KCNMB2: variants seen among roughly 807,000 people sequenced by gnomAD.
The protein encoded by KCNMB2 is calcium-activated potassium channel subunit beta-2.
A neutral mutation model predicts 24.5 loss-of-function variants in KCNMB2; 9 were observed. The observed-to-expected ratio is 0.37, with a 90% CI of 0.22 to 0.64. The LOEUF (loss-of-function observed/expected upper bound fraction) is 0.64, where lower values mean the gene tolerates loss of function less well. Among genes scored for constraint, KCNMB2 ranks in the 30% least tolerant of loss-of-function variants. The probability of loss-of-function intolerance (pLI) is 0.63; values close to 1 mark genes in which losing one functional copy is unlikely to be tolerated. For synonymous variants in KCNMB2, 109 were observed against 104.4 expected (o/e 1.04, Z -0.27); for missense variants, 226 against 284.3 (o/e 0.79, Z 1.47).
chr3:178,595,671 C>T (rs1207974392), intron 1 of KCNMB2, among the ~76,000 whole-genome samples: 1 of 152,058 alleles, frequency 6.6e-6, no homozygotes, highest in East Asian at 1.9e-4. Flanking sequence ...GTTTGCTTTT[C>T]CCTTCCACCA....
At chr3:178,793,051 GC>G (rs1167322332) in intron 1 of KCNMB2, among the ~76,000 whole-genome samples, 2 of 152,168 alleles carry the variant, frequency 1.3e-5, no homozygotes, top group Non-Finnish European at 2.9e-5. Context: ...CATCGACAGT[GC>G]CCATGTTCTG....
chr3:178,719,421 T>A (rs1003587175), intron 1 of KCNMB2, among the ~76,000 whole-genome samples: 2 of 152,248 alleles, frequency 1.3e-5, no homozygotes, highest in Non-Finnish European at 2.9e-5. Flanking sequence ...TTATAACTCA[T>A]AGGTAACAGC....
chr3:178,755,487 C>T (rs1724000083), intron 1 of KCNMB2, among the ~76,000 whole-genome samples: 1 of 152,136 alleles, frequency 6.6e-6, no homozygotes, highest in African/African-American at 2.4e-5. Context: ...ATTTTAAGAA[C>T]AAAAATACTT....
intron 1 of KCNMB2, among the ~76,000 whole-genome samples, chr3:178,644,279 G>T (rs1474006083): frequency 1.3e-5 from 2 of 152,236 alleles, no homozygotes; most frequent in Non-Finnish European, 1.5e-5. Flanking sequence ...GTGTGCAAAG[G>T]CACTGAGAGA....
intron 1 of KCNMB2, among the ~76,000 whole-genome samples, chr3:178,551,042 C>A (rs533231396): frequency 1.4e-4 from 21 of 152,092 alleles, no homozygotes; most frequent in African/African-American, 4.3e-4. Context: ...AGGATAAGCA[C>A]CAAAATCAGG....
chr3:178,542,319 G>C (rs1203194315), intron 1 of KCNMB2, among the ~76,000 whole-genome samples: 1 of 152,156 alleles, frequency 6.6e-6, no homozygotes, highest in Non-Finnish European at 1.5e-5. Flanking sequence ...TAACTACCTG[G>C]TTGGGTTGAA....
At chr3:178,778,455 G>GACACAC (rs71628070) in intron 1 of KCNMB2, among the ~76,000 whole-genome samples, 6,080 of 127,260 alleles carry the variant, frequency 0.048, 194 homozygotes, top group East Asian at 0.068. Flanking sequence ...TACCCTTTAA[G>GACACAC]ACACACACAC....
intron 1 of KCNMB2, among the ~76,000 whole-genome samples, chr3:178,773,980 G>A (rs1196063330): frequency 1.3e-5 from 2 of 152,204 alleles, no homozygotes; most frequent in Non-Finnish European, 2.9e-5. Context: ...TCTGGAGACT[G>A]GGAAGTCCAT....
chr3:178,606,048 C>G (rs550197174), intron 1 of KCNMB2, among the ~76,000 whole-genome samples: 4 of 152,144 alleles, frequency 2.6e-5, no homozygotes, highest in African/African-American at 9.6e-5. Flanking sequence ...ATCAGCCACC[C>G]CAGAAGGAAT....
intron 1 of KCNMB2, among the ~76,000 whole-genome samples, chr3:178,599,676 C>T (rs1718008539): frequency 6.6e-6 from 1 of 152,140 alleles, no homozygotes. Context: ...TAGTATTAAG[C>T]ACATTCACAT....
At chr3:178,701,352 T>G (rs1331240649) in intron 1 of KCNMB2, among the ~76,000 whole-genome samples, 1 of 152,212 alleles carries the variant, frequency 6.6e-6, no homozygotes, top group Non-Finnish European at 1.5e-5. Flanking sequence ...CTGTTTTGGT[T>G]ACTGTAGCCT....
intron 1 of KCNMB2, among the ~76,000 whole-genome samples, chr3:178,560,110 T>C (rs969547987): frequency 5.4e-5 from 8 of 149,158 alleles, no homozygotes; most frequent in African/African-American, 1.9e-4. Context: ...TATATATATA[T>C]AAATTAAGAA....
At chr3:178,782,524 C>T (rs1406190729) in intron 1 of KCNMB2, among the ~76,000 whole-genome samples, 1 of 149,692 alleles carries the variant, frequency 6.7e-6, no homozygotes, top group African/African-American at 2.4e-5. Flanking sequence ...TTTTGATTTG[C>T]ATTTCTCTGA....
chr3:178,666,407 C>A (rs56098420), intron 1 of KCNMB2, among the ~76,000 whole-genome samples: 68,005 of 151,862 alleles, frequency 0.45, 15,274 homozygotes, highest in Middle Eastern at 0.56. Flanking sequence ...AGGCATGTGA[C>A]CTGCATGGTA....
chr3:178,803,315 A>G (rs1713843384), intron 1 of KCNMB2, among the ~76,000 whole-genome samples: 1 of 152,208 alleles, frequency 6.6e-6, no homozygotes, highest in Non-Finnish European at 1.5e-5. Context: ...TTCACCAAGC[A>G]ACAGAAATTT....
intron 1 of KCNMB2, among the ~76,000 whole-genome samples, chr3:178,591,995 G>A (rs947030809): frequency 1.3e-5 from 2 of 152,068 alleles, no homozygotes; most frequent in Non-Finnish European, 2.9e-5. Flanking sequence ...TACTGAATAA[G>A]ATGATTCCTA....
At chr3:178,626,077 T>C (rs1477119005) in intron 1 of KCNMB2, among the ~76,000 whole-genome samples, 1 of 152,176 alleles carries the variant, frequency 6.6e-6, no homozygotes, top group Non-Finnish European at 1.5e-5. Context: ...GGTACCTGAG[T>C]TCATTCTCTC....
At chr3:178,669,309 A>G (rs1226762601) in intron 1 of KCNMB2, among the ~76,000 whole-genome samples, 3 of 152,184 alleles carry the variant, frequency 2.0e-5, no homozygotes, top group Non-Finnish European at 4.4e-5. Context: ...AGAAGAGGAC[A>G]GACAAATGAA....
chr3:178,670,249 T>C (rs939577218), intron 1 of KCNMB2, among the ~76,000 whole-genome samples: 2 of 152,122 alleles, frequency 1.3e-5, no homozygotes, highest in African/African-American at 4.8e-5. Flanking sequence ...CAATTTTTTG[T>C]TGGTGGGAAG....
Sources: allele counts gnomAD v4.1 joint callset (sites outside exome capture counted in the v4.1 genomes callset), GRCh38; gene constraint gnomAD v4.1.1; transcripts MANE v1.5; gene names NCBI Gene and HGNC (gene_info 2026-07-23, HGNC 2026-07-21).